Variants in OSBPL6 observed in about 807,000 individuals in gnomAD.
OSBPL6 encodes the protein oxysterol binding protein like 6, also known as oxysterol-binding protein-related protein 6.
A neutral mutation model predicts 125.8 loss-of-function variants in OSBPL6; 49 were observed. The ratio of observed to expected loss-of-function variants is 0.39; its 90% CI spans 0.31 to 0.49. The LOEUF (loss-of-function observed/expected upper bound fraction) is 0.49, where lower values mean the gene tolerates loss of function less well. Ranked by LOEUF, OSBPL6 falls within the 20% of genes least tolerant of loss-of-function variation. The pLI, the probability that OSBPL6 is intolerant of heterozygous loss-of-function variation, is 0.88. For synonymous variants in OSBPL6, 394 were observed against 391.8 expected, an observed-to-expected ratio of 1.01 and a Z score of -0.07; for missense variants, 986 against 1,135.4, an observed-to-expected ratio of 0.87 and a Z score of 1.89.
At chr2:178,262,407 A>G (rs914337041) in intron 1 of OSBPL6, among the ~76,000 whole-genome samples, 3 of 152,216 alleles carry the variant, frequency 2.0e-5, no homozygotes, top group Non-Finnish European at 2.9e-5. Context: ...TTGATGAATG[A>G]AAATGCAAAT....
In OSBPL6 at chr2:178,395,971, C is replaced by A; in HGVS notation, c.*412C>A. 3 of 355,678 alleles carry A rather than the reference C, an allele frequency of 8.4e-6. No individual in the cohort carries two copies. The highest frequency in any genetic ancestry group is 1.6e-5 in the Non-Finnish European group (3 of 183,584). The allele number at this position is 355,678 out of a possible 1,614,324, so 22.0% of individuals were successfully genotyped here. A position where few individuals can be genotyped will look rare whatever the true frequency, so the allele number is the denominator to read the frequency against. On this transcript the variant is annotated 3_prime_UTR_variant, in exon 25 of 25. Coordinates refer to ENST00000190611, the MANE Select transcript of OSBPL6 (RefSeq NM_032523.4). Reference sequence around the variant, plus strand: ...ACTGTCTGGAAGCACCATCCCCTATCGCAGGACTCCTGGGCCACAAGCAGT... The same window carrying A: ...ACTGTCTGGAAGCACCATCCCCTATAGCAGGACTCCTGGGCCACAAGCAGT...
chr2:178,385,318 T>G, intron 18 of OSBPL6, 140 bp from the exon 19 acceptor site: 1 of 613,154 alleles, frequency 1.6e-6, no homozygotes, highest in Non-Finnish European at 2.8e-6. Context: ...CCCTCTAAAT[T>G]GTATAAGTTC....
At chr2:178,270,934 G>A (rs1285069362) in intron 1 of OSBPL6, among the ~76,000 whole-genome samples, 1 of 152,248 alleles carries the variant, frequency 6.6e-6, no homozygotes, top group South Asian at 2.1e-4. Flanking sequence ...GGGTCAGATA[G>A]GCTGAGTAAC....
At chr2:178,391,306 TTA>T (rs1695385350) in intron 22 of OSBPL6, 89 bp downstream of exon 22, 1 of 1,350,380 alleles carries the variant, frequency 7.4e-7, no homozygotes, top group African/African-American at 1.5e-5. Flanking sequence ...GCAACTCACA[TTA>T]TGTTTCCTTT....
intron 23 of OSBPL6, 33 bp from the exon 24 acceptor site, chr2:178,394,277 GATA>G: frequency 3.1e-6 from 5 of 1,600,224 alleles, no homozygotes; most frequent in Non-Finnish European, 4.3e-6. Flanking sequence ...CAGAAAAGAG[GATA>G]ATATGTTAAA....
At chr2:178,257,033 G>A (rs2091908139) in intron 1 of OSBPL6, among the ~76,000 whole-genome samples, 1 of 152,120 alleles carries the variant, frequency 6.6e-6, no homozygotes, top group Admixed American at 6.5e-5. Flanking sequence ...GGACTTTCTT[G>A]AATCGAATAT....
At chr2:178,229,572 G>A (rs1559139528) in intron 1 of OSBPL6, among the ~76,000 whole-genome samples, 1 of 152,186 alleles carries the variant, frequency 6.6e-6, no homozygotes, top group Non-Finnish European at 1.5e-5. Context: ...GTTCACTGCT[G>A]TAATCCCAGC....
chr2:178,325,730 T>C (rs1338013007), intron 4 of OSBPL6, among the ~76,000 whole-genome samples: 1 of 152,220 alleles, frequency 6.6e-6, no homozygotes, highest in Non-Finnish European at 1.5e-5. Flanking sequence ...CATATCAATA[T>C]TGTTCTCACT....
Position 178,373,949 on chromosome 2 carries a change from C to A in OSBPL6, c.1455C>A (p.Arg485=). 6.2e-7 allele frequency: 1 copy of A among 1,614,106 alleles called. No homozygotes were observed. The highest frequency in any genetic ancestry group is 2.2e-5 in the East Asian group (1 of 44,882). The part of the protein sequence containing the change: ...PLSQQVANES[R]LSMSESVSEF... ...CACAGCAAGTAGCCAATGAGAGCCG[C>A]CTCTCCATGTCAGAGTCTGTTTCTG... Residue 485 remains arginine (R), a synonymous_variant, in exon 15 of 25, where the codon CGC becomes CGA. Transcript: ENST00000190611.
intron 1 of OSBPL6, among the ~76,000 whole-genome samples, chr2:178,231,890 C>G (rs1446729882): frequency 6.6e-6 from 1 of 152,078 alleles, no homozygotes; most frequent in Non-Finnish European, 1.5e-5. Flanking sequence ...TCTTGAACTC[C>G]TGGTCTAGCA....
intron 1 of OSBPL6, among the ~76,000 whole-genome samples, chr2:178,197,172 A>G (rs2088951553): frequency 6.6e-6 from 1 of 152,202 alleles, no homozygotes; most frequent in Admixed American, 6.5e-5. Flanking sequence ...CTTATTAAGT[A>G]TTGCCAAATT....
At chr2:178,312,921 G>A (rs1687416462) in intron 3 of OSBPL6, among the ~76,000 whole-genome samples, 3 of 151,134 alleles carry the variant, frequency 2.0e-5, no homozygotes, top group Admixed American at 2.0e-4. Flanking sequence ...TGGAGACAGA[G>A]TTTTGCTCTT....
intron 2 of OSBPL6, among the ~76,000 whole-genome samples, chr2:178,304,594 A>G (rs1424992367): frequency 6.6e-6 from 1 of 152,202 alleles, no homozygotes; most frequent in Non-Finnish European, 1.5e-5. Flanking sequence ...CAAGCTGTTT[A>G]TATAGTGGCA....
rs1415229948 is a variant in OSBPL6 at position 178,399,389 on chromosome 2, A to T, written c.*3830A>T. Reference sequence around the variant, plus strand: ...CGTTTAAACTGTACATTGCATAATCATTCTGTTAAACTAAACCTTTGTTTA... The same window carrying T: ...CGTTTAAACTGTACATTGCATAATCTTTCTGTTAAACTAAACCTTTGTTTA... On this transcript the variant is annotated 3_prime_UTR_variant, in exon 25 of 25. Transcript: ENST00000190611. The T allele has an allele frequency of 6.6e-6, 1 of 152,232 alleles. No individual in the cohort carries two copies. Among genetic ancestry groups the T allele is most frequent in the Non-Finnish European group, 1.5e-5 (1 of 68,046 alleles). The allele number at this position is 152,232 out of a possible 1,614,324, so 9.4% of individuals were successfully genotyped here.
chr2:178,394,541 A>G, intron 24 of OSBPL6, 106 bp downstream of exon 24: 1 of 1,376,884 alleles, frequency 7.3e-7, no homozygotes, highest in Non-Finnish European at 9.9e-7. Context: ...GGATTTTGGT[A>G]TCTTTGCTTT....
chr2:178,278,876 A>C (rs1200576416), intron 1 of OSBPL6, among the ~76,000 whole-genome samples: 18 of 152,240 alleles, frequency 1.2e-4, no homozygotes, highest in Non-Finnish European at 2.5e-4. Context: ...AAGCAAGATA[A>C]TAAAAAAAGG....
Position 178,383,190 on chromosome 2 carries a change from C to G in OSBPL6, c.1788C>G (p.Leu596=), listed in dbSNP as rs147194418. The G allele has an allele frequency of 8.1e-6, 13 of 1,614,076 alleles. No individual in the cohort carries two copies. Among genetic ancestry groups the G allele is most frequent in the Middle Eastern group, 1.6e-4 (1 of 6,084 alleles). ...VSMPVELNEP[L]NTLQHLCEEM... ...TGCCTGTGGAGCTAAACGAGCCGCT[C>G]AACACCCTGCAGCACCTCTGTGAGG... The change falls in exon 17 of 25, where the codon CTC becomes CTG. Residue 596 remains leucine, a synonymous_variant. Coordinates refer to ENST00000190611, the MANE Select transcript of OSBPL6 (RefSeq NM_032523.4).
At chr2:178,333,068 C>A in intron 8 of OSBPL6, 27 bp downstream of exon 8, 1 of 1,609,076 alleles carries the variant, frequency 6.2e-7, no homozygotes, top group Non-Finnish European at 8.5e-7. Context: ...TAAAAACCAG[C>A]CTGAAAATTG....
At chr2:178,320,123 A>G (rs1013543287) in intron 3 of OSBPL6, 3 of 748,220 alleles carry the variant, frequency 4.0e-6, no homozygotes, top group Non-Finnish European at 4.0e-6. Context: ...CATTTTGAGA[A>G]TCACGTTTCT....
Sources: gnomAD v4.1 joint callset for allele counts (sites outside exome capture counted in the v4.1 genomes callset) on GRCh38, gnomAD v4.1.1 for gene constraint, MANE v1.5 for transcripts, NCBI Gene and HGNC (gene_info 2026-07-23, HGNC 2026-07-21) for gene names.